The following MARCHF5 variants were observed in gnomAD, a reference collection of about 807,000 sequenced individuals.
MARCHF5 encodes the protein membrane associated ring-CH-type finger 5, also known as E3 ubiquitin-protein ligase MARCHF5.
In MARCHF5, 5 loss-of-function variants were observed where a neutral mutation model predicts 36.5. The ratio of observed to expected loss-of-function variants is 0.14; its 90% CI spans 0.07 to 0.29. The LOEUF (loss-of-function observed/expected upper bound fraction) is 0.29. MARCHF5 is among the 10% of genes least tolerant of loss of function. The probability of loss-of-function intolerance (pLI) is 1.00; values close to 1 mark genes in which losing one functional copy is unlikely to be tolerated. For synonymous variants in MARCHF5, 103 were observed against 109.9 expected, an observed-to-expected ratio of 0.94 and a Z score of 0.39; for missense variants, 179 against 336.3, an observed-to-expected ratio of 0.53 and a Z score of 3.66.
intron 3 of MARCHF5, among the ~76,000 whole-genome samples, chr10:92,347,504 A>AGAT (rs768738448): frequency 8.1e-5 from 7 of 86,428 alleles, no homozygotes; most frequent in Admixed American, 2.4e-4. Context: ...ATAGATAGAT[A>AGAT]GATAGATAGA....
rs76179744 is a variant in MARCHF5, at chr10:92,296,895, C to T, written c.35+5366C>T. Reference sequence around the variant, plus strand: ...GGAGCATGCTGTATAAACAATTTCACATTTTCTTTGTCAGTTGACCTCTTT... The same window carrying T: ...GGAGCATGCTGTATAAACAATTTCATATTTTCTTTGTCAGTTGACCTCTTT... On this transcript the variant is annotated intron_variant, in intron 1 of 5. Transcript: ENST00000358935. 3.9e-5 allele frequency among the ~76,000 whole-genome samples: 6 copies of T among 152,274 alleles called. No individual in the cohort carries two copies. In the East Asian group the frequency reaches 9.6e-4, roughly 24 times the overall value.
At position 92,291,370 on chromosome 10, in the gene MARCHF5, T is replaced by A; in HGVS notation, c.-125T>A. On this transcript the variant is annotated 5_prime_UTR_variant, in exon 1 of 6. Transcript: ENST00000358935. ...GGCTAGCGGAGCTGCCCCGGGAAGC[T>A]GGGTGACGGGTTCGCGGCTGCCGCC... 1.2e-6 allele frequency: 1 copy of A among 863,512 alleles called. No individual in the cohort carries two copies. Among genetic ancestry groups the A allele is most frequent in the Admixed American group, 2.0e-5 (1 of 48,782 alleles). The allele number at this position is 863,512 out of a possible 1,614,324, so 53.5% of individuals were successfully genotyped here.
chr10:92,304,368 C>T (rs1009794861), intron 1 of MARCHF5, among the ~76,000 whole-genome samples: 1 of 152,176 alleles, frequency 6.6e-6, no homozygotes, highest in African/African-American at 2.4e-5. Flanking sequence ...GGGACCTTAA[C>T]ATAAAACATT....
rs1842862440 is a variant in MARCHF5, at chr10:92,291,503, C to G, written c.9C>G (p.Asp3Glu). ...CGCCGGCTCCGCGGAAGATGCCGGA[C>G]CAAGCCCTACAGCAGATGCTGGACA... MP[D>E]QALQQMLDRS... Residue 3 changes from aspartate (D) to glutamate (E), a missense_variant, in exon 1 of 6, where the codon GAC becomes GAG. Physicochemically the swap from Asp to Glu is conservative, Grantham distance 45 (BLOSUM62 2). This residue lies in a region of MARCHF5 where 18 missense variants were observed against 16.3 expected (regional missense o/e 1.11). Coordinates refer to ENST00000358935, the MANE Select transcript of MARCHF5 (RefSeq NM_017824.5). The G allele has an allele frequency of 1.3e-6, 2 of 1,548,434 alleles. No individual in the cohort carries two copies. The highest frequency in any genetic ancestry group is 4.9e-5 in the East Asian group (2 of 40,650).
intron 1 of MARCHF5, among the ~76,000 whole-genome samples, chr10:92,301,875 A>G (rs1041931416): frequency 6.6e-6 from 1 of 152,118 alleles, no homozygotes; most frequent in Non-Finnish European, 1.5e-5. Context: ...CCTGGCCAAC[A>G]TGGTGAAACC....
intron 1 of MARCHF5, among the ~76,000 whole-genome samples, chr10:92,306,050 C>T (rs1843069977): frequency 6.6e-6 from 1 of 152,172 alleles, no homozygotes; most frequent in African/African-American, 2.4e-5. Flanking sequence ...TTGGTTAAGT[C>T]AAAAACCCAA....
intron 2 of MARCHF5, among the ~76,000 whole-genome samples, chr10:92,318,952 C>A (rs539564776): frequency 6.6e-6 from 1 of 152,290 alleles, no homozygotes; most frequent in South Asian, 2.1e-4. Context: ...GGTGATCCAC[C>A]CGCCTCGGCC....
At chr10:92,331,375 AAAAC>A (rs1465469562) in intron 2 of MARCHF5, among the ~76,000 whole-genome samples, 4 of 151,928 alleles carry the variant, frequency 2.6e-5, no homozygotes, top group South Asian at 2.1e-4. Flanking sequence ...TTTATTTAAA[AAAAC>A]AAACAAAACA....
chr10:92,299,797 C>T (rs571060406), intron 1 of MARCHF5, among the ~76,000 whole-genome samples: 1 of 152,192 alleles, frequency 6.6e-6, no homozygotes, highest in Non-Finnish European at 1.5e-5. Context: ...TCTTTTCATT[C>T]TTTGTGACAT....
chr10:92,318,763 A>G (rs867013280), intron 2 of MARCHF5, among the ~76,000 whole-genome samples: 14 of 152,026 alleles, frequency 9.2e-5, no homozygotes, highest in Admixed American at 6.6e-5. Context: ...CAGTGGCACA[A>G]TCTCGGCTCA....
chr10:92,336,868 A>G (rs1843508677), intron 2 of MARCHF5, among the ~76,000 whole-genome samples: 4 of 152,220 alleles, frequency 2.6e-5, no homozygotes. Flanking sequence ...CACTGCTGTA[A>G]TCCCAGCACT....
rs2135165576 is a variant in MARCHF5 at position 92,291,423 on chromosome 10, A to T, written c.-72A>T. On this transcript the variant is annotated 5_prime_UTR_variant, in exon 1 of 6. Coordinates refer to ENST00000358935, the MANE Select transcript of MARCHF5 (RefSeq NM_017824.5). ...ACTGCGGCCTACTCCGCCGCCTCTC[A>T]GTGCTATTGTCCCTGGGCCTGGCCT... 7.5e-7 allele frequency: 1 copy of T among 1,333,106 alleles called. No homozygotes were observed. The highest frequency in any genetic ancestry group is 1.3e-5 in the South Asian group (1 of 79,928). 82.6% of individuals were successfully genotyped at this position (1,333,106 alleles called of 1,614,324 possible).
chr10:92,292,090 G>A (rs1842881885), intron 1 of MARCHF5, among the ~76,000 whole-genome samples: 1 of 127,902 alleles, frequency 7.8e-6, no homozygotes, highest in Admixed American at 9.6e-5. Context: ...GAGATTTAAC[G>A]GTCAGACCAG....
At chr10:92,319,043 C>T (rs959287400) in intron 2 of MARCHF5, among the ~76,000 whole-genome samples, 2 of 152,092 alleles carry the variant, frequency 1.3e-5, no homozygotes, top group African/African-American at 4.8e-5. Context: ...CTACACTGTA[C>T]TTAATGTTTA....
intron 2 of MARCHF5, among the ~76,000 whole-genome samples, chr10:92,319,397 G>T (rs1291751325): frequency 6.6e-6 from 1 of 150,498 alleles, no homozygotes; most frequent in South Asian, 2.1e-4. Flanking sequence ...CCGGGTTCAC[G>T]CCATTCTCCT....
intron 1 of MARCHF5, 71 bp downstream of exon 1, chr10:92,291,600 G>T: frequency 6.9e-7 from 1 of 1,456,444 alleles, no homozygotes; most frequent in Non-Finnish European, 9.0e-7. Flanking sequence ...CCGCCCTCGA[G>T]GCTCTTGGTG....
intron 1 of MARCHF5, among the ~76,000 whole-genome samples, chr10:92,307,767 T>C (rs933878128): frequency 2.0e-5 from 3 of 151,782 alleles, no homozygotes; most frequent in Non-Finnish European, 4.4e-5. Flanking sequence ...TCCTACTACT[T>C]GGGAGGCGGA....
chr10:92,323,866 T>G (rs905243849), intron 2 of MARCHF5, among the ~76,000 whole-genome samples: 2 of 152,244 alleles, frequency 1.3e-5, no homozygotes, highest in African/African-American at 4.8e-5. Context: ...TACACATCCA[T>G]GTACAGAATT....
chr10:92,332,099 C>A (rs540227998), intron 2 of MARCHF5, among the ~76,000 whole-genome samples: 20 of 149,700 alleles, frequency 1.3e-4, no homozygotes, highest in African/African-American at 4.9e-4. Flanking sequence ...CTATTTTGGA[C>A]CAGGCATAGT....
Sources: gnomAD v4.1 joint callset for allele counts (sites outside exome capture counted in the v4.1 genomes callset) on GRCh38, gnomAD v4.1.1 for gene constraint, gnomAD v4.1.1 regional missense constraint, MANE v1.5 for transcripts, NCBI Gene and HGNC (gene_info 2026-07-23, HGNC 2026-07-21) for gene names.